DCC: variants seen among roughly 807,000 people sequenced by gnomAD.
The protein encoded by DCC is netrin receptor DCC.
A neutral mutation model predicts 172.5 loss-of-function variants in DCC; 58 were observed. The ratio of observed to expected loss-of-function variants is 0.34; its 90% CI spans 0.27 to 0.42. The LOEUF is 0.42. Ranked by LOEUF, DCC falls within the 10% of genes least tolerant of loss-of-function variation. DCC has a pLI of 1.00. For synonymous variants in DCC, 709 were observed against 644.5 expected, an observed-to-expected ratio of 1.10 and a Z score of -1.52; for missense variants, 1,740 against 1,791.0, an observed-to-expected ratio of 0.97 and a Z score of 0.51.
At chr18:52,586,231 A>C (rs1315303503) in intron 1 of DCC, among the ~76,000 whole-genome samples, 1 of 152,056 alleles carries the variant, frequency 6.6e-6, no homozygotes, top group South Asian at 2.1e-4. Flanking sequence ...TTTTCTTCCA[A>C]TTTTCACTGA....
chr18:53,278,463 T>G (rs2144722210), intron 12 of DCC, among the ~76,000 whole-genome samples: 2 of 152,242 alleles, frequency 1.3e-5, no homozygotes, highest in Admixed American at 1.3e-4. Flanking sequence ...TGAAGGGATC[T>G]GTTGTAATTA....
At chr18:52,933,972 C>G (rs1380748122) in intron 5 of DCC, among the ~76,000 whole-genome samples, 8 of 152,008 alleles carry the variant, frequency 5.3e-5, no homozygotes, top group Non-Finnish European at 1.0e-4. Flanking sequence ...TTTGGGTGTT[C>G]TGGGAAATAA....
At chr18:52,488,472 C>T (rs2030338911) in intron 1 of DCC, among the ~76,000 whole-genome samples, 1 of 151,996 alleles carries the variant, frequency 6.6e-6, no homozygotes, top group Admixed American at 6.6e-5. Context: ...ATAGAATATT[C>T]AGTGGATTGA....
intron 12 of DCC, among the ~76,000 whole-genome samples, chr18:53,225,738 A>G (rs2144602754): frequency 6.6e-6 from 1 of 152,296 alleles, no homozygotes; most frequent in East Asian, 1.9e-4. Flanking sequence ...TGGACTGACC[A>G]TTTGAGACTG....
intron 1 of DCC, among the ~76,000 whole-genome samples, chr18:52,402,131 A>G (rs1986463468): frequency 6.6e-6 from 1 of 151,950 alleles, no homozygotes; most frequent in South Asian, 2.1e-4. Flanking sequence ...TACTTTAGAA[A>G]TCCTTTTAGT....
intron 1 of DCC, among the ~76,000 whole-genome samples, chr18:52,647,623 G>A (rs1459136482): frequency 1.3e-5 from 2 of 152,078 alleles, no homozygotes; most frequent in East Asian, 1.9e-4. Flanking sequence ...GGTTCAATTC[G>A]CTTAGTACTA....
chr18:52,593,903 G>T (rs2033854959), intron 1 of DCC, among the ~76,000 whole-genome samples: 1 of 152,168 alleles, frequency 6.6e-6, no homozygotes, highest in South Asian at 2.1e-4. Flanking sequence ...CTCCAATCTG[G>T]ATTGAGCTCC....
At chr18:53,416,046 G>A (rs1910293116) in intron 20 of DCC, 78 bp from the exon 21 acceptor site, 3 of 1,057,848 alleles carry the variant, frequency 2.8e-6, no homozygotes, top group Non-Finnish European at 4.4e-6. Context: ...TTACTAAAAA[G>A]AACTGTTGGT....
chr18:53,046,424 A>G (rs1315317885), intron 5 of DCC, among the ~76,000 whole-genome samples: 2 of 151,842 alleles, frequency 1.3e-5, no homozygotes, highest in Non-Finnish European at 2.9e-5. Flanking sequence ...TTCAAGCTGA[A>G]TAGCATTGAA....
chr18:52,378,433 A>G (rs1055692819), intron 1 of DCC, among the ~76,000 whole-genome samples: 1 of 152,128 alleles, frequency 6.6e-6, no homozygotes. Flanking sequence ...ACATGCAGGA[A>G]CTACAAGGAA....
At chr18:52,852,262 C>T (rs1243812849) in intron 2 of DCC, among the ~76,000 whole-genome samples, 4 of 152,002 alleles carry the variant, frequency 2.6e-5, no homozygotes, top group African/African-American at 9.7e-5. Context: ...TACTCTCTAG[C>T]TATCATTTTT....
intron 23 of DCC, 108 bp from the exon 24 acceptor site, chr18:53,459,124 C>T (rs937325505): frequency 3.3e-6 from 3 of 905,870 alleles, no homozygotes; most frequent in Admixed American, 2.0e-5. Flanking sequence ...GCTCATTCTG[C>T]GAGTCCTTTT....
intron 1 of DCC, among the ~76,000 whole-genome samples, chr18:52,565,775 C>T (rs1393236847): frequency 5.3e-5 from 8 of 152,172 alleles, no homozygotes; most frequent in Admixed American, 1.3e-4. Context: ...AATTTTCTCC[C>T]GTTCTGTAGG....
At chr18:52,838,300 T>G (rs889886613) in intron 2 of DCC, among the ~76,000 whole-genome samples, 6 of 152,204 alleles carry the variant, frequency 3.9e-5, no homozygotes, top group Non-Finnish European at 7.3e-5. Context: ...GTTGACATTT[T>G]TAATTGAAAT....
At chr18:53,465,021 G>GA (rs2045603462) in intron 24 of DCC, among the ~76,000 whole-genome samples, 1 of 136,128 alleles carries the variant, frequency 7.3e-6, no homozygotes, top group Non-Finnish European at 1.6e-5. Context: ...AAAAGAAAAA[G>GA]AAAACTGGTT....
At chr18:52,671,120 T>TACC (rs896552509) in intron 1 of DCC, among the ~76,000 whole-genome samples, 13 of 152,150 alleles carry the variant, frequency 8.5e-5, no homozygotes, top group Admixed American at 2.6e-4. Flanking sequence ...AGGCTTAACA[T>TACC]AATCATCCTT....
intron 9 of DCC, among the ~76,000 whole-genome samples, chr18:53,200,002 C>CT (rs1456580773): frequency 6.2e-4 from 95 of 152,294 alleles, no homozygotes; most frequent in Middle Eastern, 6.8e-3. Context: ...CAGTTGGAAA[C>CT]TTTACACCAA....
At chr18:53,306,354 G>A (rs1021690644) in intron 13 of DCC, among the ~76,000 whole-genome samples, 12 of 152,176 alleles carry the variant, frequency 7.9e-5, no homozygotes, top group Non-Finnish European at 1.6e-4. Flanking sequence ...AAAACAGAAT[G>A]AGGCGAGGCT....
chr18:53,274,768 T>G (rs922370987), intron 12 of DCC, among the ~76,000 whole-genome samples: 10 of 152,240 alleles, frequency 6.6e-5, no homozygotes, highest in African/African-American at 2.2e-4. Flanking sequence ...GTGTAGGCCC[T>G]TATTGATCGA....
Sources: allele counts gnomAD v4.1 joint callset (sites outside exome capture counted in the v4.1 genomes callset), GRCh38; gene constraint gnomAD v4.1.1; transcripts MANE v1.5; gene names NCBI Gene and HGNC (gene_info 2026-07-23, HGNC 2026-07-21).